WIPI1: variants seen among roughly 807,000 people sequenced by gnomAD.
The protein encoded by WIPI1 is WD repeat domain, phosphoinositide interacting 1, also known as WD repeat domain phosphoinositide-interacting protein 1.
In WIPI1, 45 loss-of-function variants were observed where a neutral mutation model predicts 55.3. The ratio of observed to expected loss-of-function variants is 0.81; its 90% confidence interval spans 0.64 to 1.04. The LOEUF (loss-of-function observed/expected upper bound fraction) is 1.04. WIPI1 is among the 50% of genes least tolerant of loss of function. WIPI1 has a pLI of 0.00. For missense variants in WIPI1, 445 were observed against 559.0 expected, an observed-to-expected ratio of 0.80 and a Z score of 2.06; for synonymous variants, 195 against 217.6, an observed-to-expected ratio of 0.90 and a Z score of 0.92.
rs766637476 is a variant in WIPI1, at chr17:68,434,604, G to A, written c.644C>T (p.Ser215Phe). ...SEKGTVIRVF[S>F]VPDGQKLYEF... Reference sequence around the variant, plus strand: ...ATAGAGCTTTTGCCCATCAGGGACAGAGAACACCCGGATGACTGTGCCCTG... The same window carrying A: ...ATAGAGCTTTTGCCCATCAGGGACAAAGAACACCCGGATGACTGTGCCCTG... Residue 215 changes from serine to phenylalanine, a missense_variant, in exon 7 of 13, where the codon TCT becomes TTT. Coordinates refer to ENST00000262139, the MANE Select transcript of WIPI1 (RefSeq NM_017983.7). 57 of 1,614,074 alleles carry A rather than the reference G, an allele frequency of 3.5e-5. No homozygotes were observed. Among genetic ancestry groups the A allele is most frequent in the Non-Finnish European group, 4.5e-5 (53 of 1,179,940 alleles).
chr17:68,443,923 A>G (rs2084180807), intron 4 of WIPI1, among the ~76,000 whole-genome samples: 1 of 152,238 alleles, frequency 6.6e-6, no homozygotes, highest in African/African-American at 2.4e-5. Context: ...CTATTTCAAT[A>G]TAACAAATCC....
Position 68,433,760 on chromosome 17 carries a change from G to GTTT in WIPI1, c.693-188_693-186dup, listed in dbSNP as rs556777098. On this transcript the variant is annotated intron_variant, in intron 7 of 12. Coordinates refer to ENST00000262139, the MANE Select transcript of WIPI1 (RefSeq NM_017983.7). ...TCAGAAAGATTCACAAAGGGTCATAGTTTTTTTTTTTTTTTTTTTTTTTTT... is the reference window on the plus strand; with the variant it reads ...TCAGAAAGATTCACAAAGGGTCATAGTTTTTTTTTTTTTTTTTTTTTTTTTTTT... Among the ~76,000 whole-genome samples the GTTT allele has an allele frequency of 3.7e-4, 27 of 72,820 alleles. 3 individuals carry two copies. The East Asian group carries it at 4.8e-3, about 13-fold the overall frequency. The allele number at this position is 72,820 out of a possible 152,430, so 47.8% of individuals were successfully genotyped here.
intron 4 of WIPI1, among the ~76,000 whole-genome samples, chr17:68,440,479 A>G (rs947028921): frequency 6.6e-6 from 1 of 152,144 alleles, no homozygotes; most frequent in South Asian, 2.1e-4. Flanking sequence ...GAACATTTGC[A>G]AAGCCTAGAA....
intron 3 of WIPI1, among the ~76,000 whole-genome samples, chr17:68,448,714 G>C (rs1039937409): frequency 2.6e-5 from 4 of 152,130 alleles, no homozygotes; most frequent in Non-Finnish European, 5.9e-5. Context: ...AGATCATCAG[G>C]TGCCAAAAAC....
chr17:68,422,793 ACT>A (rs1213026770), intron 12 of WIPI1: 1 of 150,160 alleles, frequency 6.7e-6, no homozygotes, highest in Non-Finnish European at 1.5e-5. Context: ...TGATTTCCTG[ACT>A]CTTGCTCACA....
rs371318569 is a variant in WIPI1, at chr17:68,452,971, T to C, written c.102A>G (p.Lys34=). Residue 34 remains lysine, a synonymous_variant, in exon 2 of 13, where the codon AAA becomes AAG. Transcript: ENST00000262139. ...QDCTSLATGT[K]AGYKLFSLSS... ...TCAGAGAAAACAGCTTATACCCGGC[T>C]TTAGTTCCAGTTGCTAGGGATCTGT... 1.2e-6 allele frequency: 2 copies of C among 1,614,032 alleles called. No homozygotes were observed. Among genetic ancestry groups the C allele is most frequent in the Non-Finnish European group, 1.7e-6 (2 of 1,179,916 alleles).
intron 8 of WIPI1, among the ~76,000 whole-genome samples, chr17:68,431,782 G>GGCCCAAGAGAGCCAT (rs1163151473): frequency 1.3e-5 from 2 of 152,202 alleles, no homozygotes; most frequent in South Asian, 2.1e-4. Context: ...GTTGAGCGGA[G>GGCCCAAGAGAGCCAT]AACCCAGAAC....
Position 68,423,947 on chromosome 17 carries a change from T to G in WIPI1, c.1294-2127A>C, listed in dbSNP as rs1192454804. Among the ~76,000 whole-genome samples, 1 of 152,170 alleles carries G rather than the reference T, an allele frequency of 6.6e-6. No homozygotes were observed. The highest frequency in any genetic ancestry group is 2.4e-5 in the African/African-American group (1 of 41,446). On this transcript the variant is annotated intron_variant, in intron 12 of 12. Coordinates refer to ENST00000262139, the MANE Select transcript of WIPI1 (RefSeq NM_017983.7). This position sits in a 1 kb window ranked among gnomAD's most constrained non-coding sequence, Gnocchi z 4.4. Reference sequence around the variant, plus strand: ...CCAAAATTAGTGAAACGGAACCTAGTGAGTGTCTGGATGTGGTAAACCCTG... The same window carrying G: ...CCAAAATTAGTGAAACGGAACCTAGGGAGTGTCTGGATGTGGTAAACCCTG...
intron 6 of WIPI1, 73 bp downstream of exon 6, chr17:68,435,547 C>A: frequency 6.8e-7 from 1 of 1,466,428 alleles, no homozygotes; most frequent in South Asian, 1.1e-5. Context: ...CAGGTTTGTT[C>A]AATCCCATCC....
At chr17:68,436,651 A>C (rs1040648183) in intron 4 of WIPI1, among the ~76,000 whole-genome samples, 172 bp from the exon 5 acceptor site, 5 of 152,128 alleles carry the variant, frequency 3.3e-5, no homozygotes, top group African/African-American at 1.2e-4. Flanking sequence ...GCTTCCAATA[A>C]AGCAACTTCA....
In WIPI1 at chr17:68,444,503, T is replaced by C; in HGVS notation, c.420A>G (p.Ala140=). The C allele has an allele frequency of 6.2e-7, 1 of 1,613,882 alleles. No homozygotes were observed. Among genetic ancestry groups the C allele is most frequent in the African/African-American group, 1.3e-5 (1 of 75,052 alleles). Residue 140 remains alanine, a synonymous_variant, in exon 4 of 13, where the codon GCA becomes GCG. Transcript: ENST00000262139. ...ATTTTTGGAGCTCACCTGTTGGGTT[T>C]GCAGGAATATCCAGGAGGGTCTTCA... ...KLLKTLLDIP[A]NPTGLCALSI... is the part of the protein sequence containing the mutation.
chr17:68,422,959 C>A, intron 12 of WIPI1, among the ~76,000 whole-genome samples: 1 of 152,056 alleles, frequency 6.6e-6, no homozygotes, highest in Non-Finnish European at 1.5e-5. Flanking sequence ...AAAAGTAAAT[C>A]CCAAGGAGGC....
chr17:68,436,522 G>C (rs746138351), intron 4 of WIPI1, 43 bp from the exon 5 acceptor site: 2 of 1,582,336 alleles, frequency 1.3e-6, no homozygotes, highest in Non-Finnish European at 1.7e-6. Flanking sequence ...GGGGCCAAGG[G>C]AGAGATTGCA....
In WIPI1 at chr17:68,426,253, G is replaced by A. The variant is rs911236491; in HGVS notation, c.1193-78C>T. 4 of 841,016 alleles carry A rather than the reference G, an allele frequency of 4.8e-6. 1 individual carries two copies. The highest frequency in any genetic ancestry group is 6.8e-5 in the East Asian group (2 of 29,608). 52.1% of individuals were successfully genotyped at this position (841,016 alleles called of 1,614,324 possible). The stretch of plus-strand genomic sequence containing the variant: ...CATGACCTGGCGGGTGGGGAGCGGG[G>A]GCTCAAATAAAGGGCAAAGGAAGCA... On this transcript the variant is annotated intron_variant, in intron 11 of 12. Coordinates refer to ENST00000262139, the MANE Select transcript of WIPI1 (RefSeq NM_017983.7).
intron 3 of WIPI1, among the ~76,000 whole-genome samples, chr17:68,445,769 A>C (rs1398885441): frequency 6.6e-6 from 1 of 152,222 alleles, no homozygotes; most frequent in Non-Finnish European, 1.5e-5. Flanking sequence ...GGTGTCAGGA[A>C]GGCATTTCTG....
At chr17:68,425,382 CTT>C (rs112331284) in intron 12 of WIPI1, among the ~76,000 whole-genome samples, 15,567 of 132,234 alleles carry the variant, frequency 0.12, 2,443 homozygotes, top group African/African-American at 0.37. Context: ...TTTTTCTTTT[CTT>C]TTTTTTTTTT....
In WIPI1 at chr17:68,430,039, G is replaced by A. The variant is rs554506311; in HGVS notation, c.922C>T (p.Arg308Cys). 33 of 1,614,192 alleles carry A rather than the reference G, an allele frequency of 2.0e-5. No individual in the cohort carries two copies. The highest frequency in any genetic ancestry group is 1.3e-4 in the African/African-American group (10 of 75,040). ...MHQDRAFATA[R>C]LNFSGQRNIC... ...TTCCTCTGTCCGGAGAAGTTCAAGC[G>A]TGCAGTGGCAAAAGCCCTGTCCTGA... Residue 308 changes from arginine (R) to cysteine (C), a missense_variant, in exon 9 of 13, where the codon CGC (arginine) becomes TGC (cysteine). By Grantham distance (180) the Arg-to-Cys change is radical. Coordinates refer to ENST00000262139, the MANE Select transcript of WIPI1 (RefSeq NM_017983.7).
At chr17:68,436,916 C>T (rs2083819234) in intron 4 of WIPI1, among the ~76,000 whole-genome samples, 1 of 151,922 alleles carries the variant, frequency 6.6e-6, no homozygotes, top group Admixed American at 6.6e-5. Context: ...ATCGCTTGAA[C>T]CCAGGAGGCA....
intron 12 of WIPI1, chr17:68,424,693 T>G: frequency 2.9e-6 from 1 of 342,968 alleles, no homozygotes; most frequent in South Asian, 2.1e-5. Context: ...GTGACCAACA[T>G]GGTGAAACCC....
Sources: allele counts gnomAD v4.1 joint callset (sites outside exome capture counted in the v4.1 genomes callset), GRCh38; gene constraint gnomAD v4.1.1; non-coding constraint Gnocchi (gnomAD v3.1); transcripts MANE v1.5; gene names NCBI Gene and HGNC (gene_info 2026-07-23, HGNC 2026-07-21).